The following PTPRQ variants were observed in gnomAD, a reference collection of about 807,000 sequenced individuals.
The protein encoded by PTPRQ is phosphatidylinositol phosphatase PTPRQ.
Under a neutral mutation model 246.0 loss-of-function variants are expected in PTPRQ, and 199 were observed. The ratio of observed to expected loss-of-function variants is 0.81; its 90% CI spans 0.72 to 0.91. PTPRQ has a LOEUF of 0.91. Ranked by LOEUF, PTPRQ falls within the 40% of genes least tolerant of loss-of-function variation. The probability of loss-of-function intolerance (pLI) is 0.00; values close to 1 mark genes in which losing one functional copy is unlikely to be tolerated. For missense variants in PTPRQ, 2,624 were observed against 2,528.4 expected, an observed-to-expected ratio of 1.04 and a Z score of -0.81; for synonymous variants, 869 against 853.2, an observed-to-expected ratio of 1.02 and a Z score of -0.32.
chr12:80,541,142 CT>C (rs1463727370), intron 20 of PTPRQ, among the ~76,000 whole-genome samples: 1 of 151,892 alleles, frequency 6.6e-6, no homozygotes, highest in Non-Finnish European at 1.5e-5. Context: ...AATGGCTGAG[CT>C]TTAGTTTCCT....
intron 17 of PTPRQ, among the ~76,000 whole-genome samples, 183 bp downstream of exon 17, chr12:80,510,626 A>C (rs527570204): frequency 1.3e-5 from 2 of 152,322 alleles, no homozygotes; most frequent in East Asian, 3.9e-4. Context: ...AATCATGGTC[A>C]AATGAAATAA....
chr12:80,512,641 C>T (rs1400075863), intron 17 of PTPRQ: 1 of 152,070 alleles, frequency 6.6e-6, no homozygotes, highest in Non-Finnish European at 1.5e-5. Flanking sequence ...GTTATTTTTG[C>T]TTTTTGCAAT....
chr12:80,614,183 A>T (rs1401523886), intron 29 of PTPRQ, among the ~76,000 whole-genome samples: 2 of 150,844 alleles, frequency 1.3e-5, no homozygotes, highest in African/African-American at 4.8e-5. Context: ...TTTAAAATGG[A>T]AAAGCAAATT....
chr12:80,551,717 T>C (rs1416891755), intron 25 of PTPRQ, among the ~76,000 whole-genome samples: 3 of 152,100 alleles, frequency 2.0e-5, no homozygotes, highest in Non-Finnish European at 4.4e-5. Context: ...AGAATTTGGC[T>C]TCTCTCTAGC....
chr12:80,460,604 AC>A (rs1893129600), intron 5 of PTPRQ, 48 bp from the exon 6 acceptor site: 1 of 398,300 alleles, frequency 2.5e-6, no homozygotes, highest in Admixed American at 4.4e-5. Flanking sequence ...TCTTATGTTC[AC>A]CAAGAGATAC....
At position 80,615,820 on chromosome 12, in the gene PTPRQ, G is replaced by A. The variant is rs531727564; in HGVS notation, c.5164-380G>A. 1.5e-4 allele frequency among the ~76,000 whole-genome samples: 22 copies of A among 151,094 alleles called. No individual in the cohort carries two copies. The South Asian group carries it at 4.4e-3, about 30-fold the overall frequency. On this transcript the variant is annotated intron_variant, in intron 29 of 44. Transcript: ENST00000644991. ...TTAGAGTAGATGAAGGGAGAGCGTAGATACAGTGGCTGTAGTGCTCTGTTC... is the reference window on the plus strand; with the variant it reads ...TTAGAGTAGATGAAGGGAGAGCGTAAATACAGTGGCTGTAGTGCTCTGTTC...
intron 3 of PTPRQ, among the ~76,000 whole-genome samples, chr12:80,454,041 T>G: frequency 1.6e-5 from 1 of 63,158 alleles, no homozygotes; most frequent in Non-Finnish European, 2.9e-5. Flanking sequence ...GCTTCCAGGT[T>G]GCTTTGTTTA....
rs1279965167 is a variant in PTPRQ, at chr12:80,631,690, G to A, written c.5687-502G>A. On this transcript the variant is annotated intron_variant, in intron 33 of 44. Coordinates refer to ENST00000644991, the MANE Select transcript of PTPRQ (RefSeq NM_001145026.2). ...TAGAGCCTACAGGATTTCCTCACATGTTTTGGATGTATTCTATGAAAGAGA... is the reference window on the plus strand; with the variant it reads ...TAGAGCCTACAGGATTTCCTCACATATTTTGGATGTATTCTATGAAAGAGA... 2.6e-5 allele frequency among the ~76,000 whole-genome samples: 4 copies of A among 152,260 alleles called. No individual in the cohort carries two copies. In the East Asian group the frequency reaches 7.7e-4, roughly 29 times the overall value.
intron 29 of PTPRQ, 56 bp downstream of exon 29, chr12:80,613,892 T>A (rs2121110836): frequency 7.0e-7 from 1 of 1,428,918 alleles, no homozygotes; most frequent in South Asian, 1.6e-5. Context: ...TTTATGAACT[T>A]GGCATTTAAA....
At chr12:80,618,363 CACA>C (rs1280527985) in intron 30 of PTPRQ, among the ~76,000 whole-genome samples, 1 of 75,446 alleles carries the variant, frequency 1.3e-5, no homozygotes, top group African/African-American at 8.7e-5. Flanking sequence ...ACTACATTCA[CACA>C]CACACACACA....
chr12:80,454,737 A>G (rs1892914836), intron 3 of PTPRQ, among the ~76,000 whole-genome samples: 1 of 152,218 alleles, frequency 6.6e-6, no homozygotes, highest in African/African-American at 2.4e-5. Context: ...TATGGCTAAC[A>G]GGGCTGGGAG....
intron 14 of PTPRQ, among the ~76,000 whole-genome samples, chr12:80,501,633 C>T (rs1265600610): frequency 3.3e-5 from 5 of 151,924 alleles, no homozygotes; most frequent in African/African-American, 9.7e-5. Flanking sequence ...AAGAAGCTTA[C>T]AGCTATGTCG....
Position 80,669,453 on chromosome 12 carries a change from A to G in PTPRQ, c.6442A>G (p.Lys2148Glu). 1 of 1,544,672 alleles carries G rather than the reference A, an allele frequency of 6.5e-7. No homozygotes were observed. The highest frequency in any genetic ancestry group is 1.2e-5 in the South Asian group (1 of 82,178). Reference protein sequence around the residue: ...VQIDWTIRDLKIERHGDCMTV... With the variant: ...VQIDWTIRDLEIERHGDCMTV... ...AATAGATTGGACTATCAGGGATCTG[A>G]AAATTGAAAGGGTAAAAAAAAAAGG... The change falls in exon 41 of 45, where the codon AAA (lysine) becomes GAA (glutamate). Residue 2148 changes from lysine (K) to glutamate (E), a missense_variant. Physicochemically the swap from Lys to Glu is moderately conservative, Grantham distance 56. Coordinates refer to ENST00000644991, the MANE Select transcript of PTPRQ (RefSeq NM_001145026.2).
intron 38 of PTPRQ, among the ~76,000 whole-genome samples, chr12:80,653,648 G>A (rs1900327735): frequency 6.6e-6 from 1 of 152,114 alleles, no homozygotes; most frequent in African/African-American, 2.4e-5. Flanking sequence ...TGGGGGAATA[G>A]CTACACTTCT....
Position 80,564,126 on chromosome 12 carries a change from T to C in PTPRQ, c.4285+14392T>C, listed in dbSNP as rs545736929. On this transcript the variant is annotated intron_variant, in intron 25 of 44. Coordinates refer to ENST00000644991, the MANE Select transcript of PTPRQ (RefSeq NM_001145026.2). Reference sequence around the variant, plus strand: ...TATTAATATACTTTAAGTTTTAGGGTACACGTGCACATTGTGCAGGTTAGT... The same window carrying C: ...TATTAATATACTTTAAGTTTTAGGGCACACGTGCACATTGTGCAGGTTAGT... Among the ~76,000 whole-genome samples the C allele has an allele frequency of 2.0e-5, 3 of 152,258 alleles. No individual in the cohort carries two copies. The East Asian group carries it at 5.8e-4, about 29-fold the overall frequency.
At chr12:80,585,354 T>A (rs1012242754) in intron 25 of PTPRQ, among the ~76,000 whole-genome samples, 4 of 152,180 alleles carry the variant, frequency 2.6e-5, no homozygotes, top group Admixed American at 2.0e-4. Context: ...CACATTATAT[T>A]CAGGAGCTGA....
chr12:80,528,706 T>C (rs898186922), intron 17 of PTPRQ, among the ~76,000 whole-genome samples: 10 of 152,150 alleles, frequency 6.6e-5, no homozygotes, highest in African/African-American at 2.4e-4. Context: ...AATTCCTGCT[T>C]CCAGAATCCA....
At chr12:80,666,603 A>G (rs1900793739) in intron 39 of PTPRQ, among the ~76,000 whole-genome samples, 1 of 151,984 alleles carries the variant, frequency 6.6e-6, no homozygotes, top group Non-Finnish European at 1.5e-5. Flanking sequence ...AAGGAGATGG[A>G]TGTGCTCATT....
chr12:80,528,517 G>T (rs1358161380), intron 17 of PTPRQ, among the ~76,000 whole-genome samples: 1 of 152,122 alleles, frequency 6.6e-6, no homozygotes, highest in Non-Finnish European at 1.5e-5. Flanking sequence ...GCACCCCTGG[G>T]AAGTCATTTT....
Sources: gnomAD v4.1 joint callset for allele counts (sites outside exome capture counted in the v4.1 genomes callset) on GRCh38, gnomAD v4.1.1 for gene constraint, MANE v1.5 for transcripts, NCBI Gene and HGNC (gene_info 2026-07-23, HGNC 2026-07-21) for gene names.